The following MCTP1 variants were observed in gnomAD, a reference collection of about 807,000 sequenced individuals.
The protein encoded by MCTP1 is multiple C2 and transmembrane domain-containing protein 1.
In MCTP1, 69 loss-of-function variants were observed where a neutral mutation model predicts 120.6. That is an observed-to-expected ratio of 0.57 (90% confidence interval 0.47 to 0.70). The LOEUF (loss-of-function observed/expected upper bound fraction) is 0.70. Ranked by LOEUF, MCTP1 falls within the 30% of genes least tolerant of loss-of-function variation. The pLI, the probability that MCTP1 is intolerant of heterozygous loss-of-function variation, is 0.00. For synonymous variants in MCTP1, 529 were observed against 493.1 expected (o/e 1.07, Z -0.96); for missense variants, 1,203 against 1,248.8 (o/e 0.96, Z 0.55).
chr5:94,986,772 A>C (rs1295557416), intron 2 of MCTP1, among the ~76,000 whole-genome samples: 1 of 152,070 alleles, frequency 6.6e-6, no homozygotes, highest in Non-Finnish European at 1.5e-5. Flanking sequence ...CGGCCTCCCA[A>C]AGTGCTGGGA....
At chr5:95,011,613 A>ACT (rs141947399) in intron 2 of MCTP1, among the ~76,000 whole-genome samples, 15,614 of 150,044 alleles carry the variant, frequency 0.1, 1,210 homozygotes, top group East Asian at 0.4. Context: ...TTCCTCCCTC[A>ACT]CTCTCTCTCT....
chr5:95,190,021 A>G (rs1749655660), intron 1 of MCTP1, among the ~76,000 whole-genome samples: 1 of 152,122 alleles, frequency 6.6e-6, no homozygotes, highest in Non-Finnish European at 1.5e-5. Context: ...ATGCAAAGAG[A>G]TTGAAGCATG....
chr5:94,793,706 T>G (rs2152995679), intron 18 of MCTP1: 1 of 152,374 alleles, frequency 6.6e-6, no homozygotes, highest in East Asian at 1.9e-4. Flanking sequence ...CCTCTTTAGA[T>G]CCTGTTAGGA....
intron 6 of MCTP1, among the ~76,000 whole-genome samples, chr5:94,924,603 T>G (rs935879444): frequency 6.6e-6 from 1 of 152,212 alleles, no homozygotes; most frequent in African/African-American, 2.4e-5. Flanking sequence ...AGCAATGCAA[T>G]GGATTCAAGT....
At chr5:95,238,130 A>G (rs1319845462) in intron 1 of MCTP1, among the ~76,000 whole-genome samples, 1 of 152,206 alleles carries the variant, frequency 6.6e-6, no homozygotes, top group Non-Finnish European at 1.5e-5. Flanking sequence ...ACAAACATCC[A>G]TCGCCATGTG....
intron 17 of MCTP1, among the ~76,000 whole-genome samples, chr5:94,862,677 C>A (rs1796032578): frequency 6.6e-6 from 1 of 151,640 alleles, no homozygotes; most frequent in South Asian, 2.1e-4. Context: ...CTTTGGGGGC[C>A]TTTTATATAA....
At chr5:94,847,269 G>T (rs1792607908) in intron 17 of MCTP1, among the ~76,000 whole-genome samples, 1 of 152,052 alleles carries the variant, frequency 6.6e-6, no homozygotes, top group African/African-American at 2.4e-5. Context: ...CAAGCAGCTG[G>T]CTCTTACGTT....
At chr5:94,866,746 G>GTT (rs879599169) in intron 17 of MCTP1, among the ~76,000 whole-genome samples, 2 of 141,674 alleles carry the variant, frequency 1.4e-5, no homozygotes, top group African/African-American at 2.5e-5. Flanking sequence ...CAGTGCCTGA[G>GTT]TTTTTTTTTT....
intron 2 of MCTP1, among the ~76,000 whole-genome samples, chr5:95,010,377 C>T (rs546028504): frequency 5.9e-4 from 89 of 152,050 alleles, no homozygotes; most frequent in Non-Finnish European, 1.0e-3. Flanking sequence ...GCAGTGCTTC[C>T]TAGCTTTTCT....
At chr5:94,817,790 GGCCCTTTTTA>G (rs948930015) in intron 17 of MCTP1, among the ~76,000 whole-genome samples, 3 of 152,116 alleles carry the variant, frequency 2.0e-5, no homozygotes, top group African/African-American at 7.2e-5. Context: ...ATATGATTTT[GGCCCTTTTTA>G]GGAACTGTTG....
At chr5:94,933,412 A>G (rs1815311745) in intron 5 of MCTP1, among the ~76,000 whole-genome samples, 1 of 151,654 alleles carries the variant, frequency 6.6e-6, no homozygotes, top group African/African-American at 2.4e-5. Flanking sequence ...CACCACCATC[A>G]CTTCCTCCAT....
intron 10 of MCTP1, among the ~76,000 whole-genome samples, chr5:94,896,715 T>C (rs1307428370): frequency 1.3e-5 from 2 of 152,234 alleles, no homozygotes; most frequent in Non-Finnish European, 2.9e-5. Flanking sequence ...AAAAAAGTTT[T>C]GAATATAAAT....
chr5:94,918,349 T>C (rs1417669231), intron 7 of MCTP1, among the ~76,000 whole-genome samples: 1 of 152,190 alleles, frequency 6.6e-6, no homozygotes, highest in Non-Finnish European at 1.5e-5. Flanking sequence ...CTTCAAAATG[T>C]CAGAATAGTG....
chr5:94,895,738 G>C (rs140800250), intron 10 of MCTP1, among the ~76,000 whole-genome samples: 161 of 152,316 alleles, frequency 1.1e-3, no homozygotes, highest in African/African-American at 3.8e-3. Flanking sequence ...CCTATGGACA[G>C]TGTTTCAAAG....
chr5:94,994,155 G>A (rs1458458037), intron 2 of MCTP1, among the ~76,000 whole-genome samples: 3 of 152,136 alleles, frequency 2.0e-5, no homozygotes, highest in Admixed American at 2.0e-4. Context: ...ATTTGAACTG[G>A]CTCTTATTCT....
chr5:94,807,552 A>T (rs1055086243), intron 17 of MCTP1, among the ~76,000 whole-genome samples: 11 of 152,188 alleles, frequency 7.2e-5, no homozygotes, highest in Non-Finnish European at 1.5e-4. Context: ...TAACCCCACC[A>T]ATTGCCTCCT....
At chr5:95,088,103 T>C (rs1029194478) in intron 1 of MCTP1, among the ~76,000 whole-genome samples, 1 of 152,208 alleles carries the variant, frequency 6.6e-6, no homozygotes, top group Admixed American at 6.5e-5. Context: ...TGTAAGAGTT[T>C]CATTAATATG....
intron 17 of MCTP1, among the ~76,000 whole-genome samples, chr5:94,808,497 A>G (rs943502566): frequency 7.2e-5 from 11 of 152,182 alleles, no homozygotes; most frequent in African/African-American, 2.7e-4. Flanking sequence ...TACAGGGAGC[A>G]TTAATATGCT....
chr5:94,938,238 C>A (rs1005459883), intron 5 of MCTP1, among the ~76,000 whole-genome samples: 1 of 152,066 alleles, frequency 6.6e-6, no homozygotes, highest in Non-Finnish European at 1.5e-5. Context: ...ATGGCTCCCC[C>A]ACAGTGTTTT....
Sources: gnomAD v4.1 joint callset for allele counts (sites outside exome capture counted in the v4.1 genomes callset) on GRCh38, gnomAD v4.1.1 for gene constraint, MANE v1.5 for transcripts, NCBI Gene and HGNC (gene_info 2026-07-23, HGNC 2026-07-21) for gene names.